The following WDFY3 variants were observed in gnomAD, a reference collection of about 807,000 sequenced individuals.
WDFY3 encodes the protein WD repeat and FYVE domain containing 3.
In WDFY3, 66 loss-of-function variants were observed where a neutral mutation model predicts 409.6. The ratio of observed to expected loss-of-function variants is 0.16; its 90% CI spans 0.13 to 0.20. The LOEUF is 0.20. WDFY3 is among the 10% of genes least tolerant of loss of function. WDFY3 has a pLI of 1.00. For synonymous variants in WDFY3, 1,521 were observed against 1,537.1 expected, an observed-to-expected ratio of 0.99 and a Z score of 0.25; for missense variants, 3,031 against 4,298.1, an observed-to-expected ratio of 0.71 and a Z score of 8.24.
Position 84,775,115 on chromosome 4 carries a change from T to A in WDFY3, c.4542A>T (p.Glu1514Asp). 6.2e-7 allele frequency: 1 copy of A among 1,613,438 alleles called. No homozygotes were observed. The highest frequency in any genetic ancestry group is 8.5e-7 in the Non-Finnish European group (1 of 1,179,850). ...DFEVWLHAPY[E>D]LHLSLFEHFI... Reference sequence around the variant, plus strand: ...AGTGTTCAAATAAGGAAAGATGAAGTTCATATGGTGCATGGAGCCAGACCT... The same window carrying A: ...AGTGTTCAAATAAGGAAAGATGAAGATCATATGGTGCATGGAGCCAGACCT... The change falls in exon 28 of 68, where the codon GAA becomes GAT. Residue 1514 changes from glutamate (E) to aspartate (D), a missense_variant. Physicochemically the swap from Glu to Asp is conservative, Grantham distance 45. Transcript: ENST00000295888.
intron 7 of WDFY3, among the ~76,000 whole-genome samples, chr4:84,835,412 A>G (rs1213982996): frequency 6.6e-6 from 1 of 152,192 alleles, no homozygotes; most frequent in Non-Finnish European, 1.5e-5. Flanking sequence ...CTAATTCAGG[A>G]ATCAGATAGA....
chr4:84,735,133 G>A lies in WDFY3; in HGVS notation c.6916-13C>T. 1.2e-6 allele frequency: 2 copies of A among 1,603,316 alleles called. No homozygotes were observed. The highest frequency in any genetic ancestry group is 1.7e-6 in the Non-Finnish European group (2 of 1,175,608). ...ACTGCGAAATCTCCTAACAATGGAT[G>A]GAAAAAGAGTCTTAATATTTCATGG... is the stretch of plus-strand genomic sequence containing the variant. On this transcript the variant is annotated splice_polypyrimidine_tract_variant and intron_variant, in intron 42 of 67. Transcript: ENST00000295888.
intron 10 of WDFY3, among the ~76,000 whole-genome samples, chr4:84,822,824 C>T (rs547804133): frequency 3.9e-5 from 6 of 152,286 alleles, no homozygotes; most frequent in African/African-American, 1.4e-4. Flanking sequence ...TTTCAATTCT[C>T]TAATTTCTTG....
At chr4:84,860,339 C>T (rs1265899537) in intron 4 of WDFY3, 73 bp downstream of exon 4, 4 of 1,487,488 alleles carry the variant, frequency 2.7e-6, no homozygotes, top group African/African-American at 1.4e-5. Flanking sequence ...CTACCTATGG[C>T]TTACCAGTAA....
chr4:84,809,699 T>C, intron 14 of WDFY3, 188 bp downstream of exon 14: 1 of 537,932 alleles, frequency 1.9e-6, no homozygotes, highest in South Asian at 2.8e-5. Flanking sequence ...CAGGCTTCCA[T>C]GCTAAAAAAA....
chr4:84,913,067 G>A (rs1376799049), intron 2 of WDFY3, among the ~76,000 whole-genome samples: 1 of 152,102 alleles, frequency 6.6e-6, no homozygotes, highest in Admixed American at 6.6e-5. Context: ...AAATTTGTTT[G>A]GTATTGGACA....
At chr4:84,824,748 C>T (rs1434143554) in intron 10 of WDFY3, among the ~76,000 whole-genome samples, 5 of 152,144 alleles carry the variant, frequency 3.3e-5, no homozygotes, top group Non-Finnish European at 7.4e-5. Flanking sequence ...ACACAATTTA[C>T]ACCTCAATAC....
Position 84,780,209 on chromosome 4 carries a change from A to C in WDFY3, c.4264T>G (p.Ser1422Ala), listed in dbSNP as rs1427477732. The C allele has an allele frequency of 6.2e-7, 1 of 1,613,928 alleles. No homozygotes were observed. The highest frequency in any genetic ancestry group is 8.5e-7 in the Non-Finnish European group (1 of 1,179,972). Residue 1422 changes from serine (S) to alanine (A), a missense_variant, in exon 26 of 68, where the codon TCT (serine) becomes GCT (alanine). Coordinates refer to ENST00000295888, the MANE Select transcript of WDFY3 (RefSeq NM_014991.6). ...AAILGLVAMA[S>A]DVEGLYAAVK... ...GCTGCATATAACCCTTCCACATCAG[A>C]GGCCATGGCCACCAGGCCCAGGATG...
chr4:84,841,197 C>G lies in WDFY3; in HGVS notation c.371G>C (p.Trp124Ser). The change falls in exon 6 of 68, where the codon TGG (tryptophan) becomes TCG (serine). Residue 124 changes from tryptophan (W) to serine (S), a missense_variant. This residue lies in a region of WDFY3 where 1,322 missense variants were observed against 1,697.9 expected (regional missense o/e 0.78). Coordinates refer to ENST00000295888, the MANE Select transcript of WDFY3 (RefSeq NM_014991.6). ...CAAATTAATTGTCGTTAGAAGCATC[C>G]AGCCTCTACTGGCTTCTTCACTCTG... is the stretch of plus-strand genomic sequence containing the variant. ...INQSEEASRG[W>S]MLLTTINLLA... The G allele has an allele frequency of 6.2e-7, 1 of 1,612,766 alleles. No individual in the cohort carries two copies. The highest frequency in any genetic ancestry group is 8.5e-7 in the Non-Finnish European group (1 of 1,179,756).
intron 7 of WDFY3, among the ~76,000 whole-genome samples, chr4:84,833,194 G>A (rs754888438): frequency 1.3e-5 from 2 of 152,058 alleles, no homozygotes; most frequent in Non-Finnish European, 2.9e-5. Context: ...AATGGTTTCT[G>A]CCCTCAATGG....
At chr4:84,871,049 AGT>A (rs1491505641) in intron 3 of WDFY3, among the ~76,000 whole-genome samples, 4 of 152,158 alleles carry the variant, frequency 2.6e-5, no homozygotes, top group Non-Finnish European at 5.9e-5. Flanking sequence ...GCATATTTAA[AGT>A]AATAATGACA....
chr4:84,918,830 T>G (rs546558573), intron 2 of WDFY3, among the ~76,000 whole-genome samples: 1 of 148,860 alleles, frequency 6.7e-6, no homozygotes, highest in Non-Finnish European at 1.5e-5. Context: ...TATATATAGA[T>G]ATATATATAC....
intron 1 of WDFY3, among the ~76,000 whole-genome samples, chr4:84,962,926 G>A (rs906567149): frequency 2.0e-5 from 3 of 151,392 alleles, no homozygotes; most frequent in Non-Finnish European, 4.4e-5. Context: ...CATCTGCCTC[G>A]GCCTCCCAAA....
intron 5 of WDFY3, among the ~76,000 whole-genome samples, chr4:84,848,498 A>G (rs1481154015): frequency 1.3e-5 from 2 of 152,160 alleles, no homozygotes; most frequent in Non-Finnish European, 2.9e-5. Context: ...GAGCTAAGAC[A>G]CCCACCACTG....
intron 7 of WDFY3, among the ~76,000 whole-genome samples, chr4:84,835,998 T>C (rs1221309379): frequency 6.6e-6 from 1 of 152,224 alleles, no homozygotes; most frequent in Non-Finnish European, 1.5e-5. Flanking sequence ...GATCTAAACA[T>C]GTTGTTTTTA....
intron 61 of WDFY3, among the ~76,000 whole-genome samples, chr4:84,688,605 A>T (rs1279395559): frequency 6.6e-6 from 1 of 152,212 alleles, no homozygotes. Context: ...TTATGTAGAG[A>T]TGTATTGATT....
At chr4:84,742,610 G>A (rs557311747) in intron 37 of WDFY3, among the ~76,000 whole-genome samples, 5 of 152,270 alleles carry the variant, frequency 3.3e-5, no homozygotes, top group Non-Finnish European at 7.4e-5. Flanking sequence ...GGGTGTGCAA[G>A]CATTACCACC....
chr4:84,790,296 C>T (rs1748293788), intron 21 of WDFY3, among the ~76,000 whole-genome samples: 1 of 151,980 alleles, frequency 6.6e-6, no homozygotes, highest in Non-Finnish European at 1.5e-5. Context: ...GTTTGCAGTG[C>T]TGAGATTGTA....
At chr4:84,715,708 G>A (rs1733764275) in intron 49 of WDFY3, among the ~76,000 whole-genome samples, 1 of 150,768 alleles carries the variant, frequency 6.6e-6, no homozygotes, top group East Asian at 2.0e-4. Context: ...CCAGGAGGCA[G>A]GGCTTGCAGT....
Sources: gnomAD v4.1 joint callset for allele counts (sites outside exome capture counted in the v4.1 genomes callset) on GRCh38, gnomAD v4.1.1 for gene constraint, gnomAD v4.1.1 regional missense constraint, MANE v1.5 for transcripts, NCBI Gene and HGNC (gene_info 2026-07-23, HGNC 2026-07-21) for gene names.